PARVB: variants seen among roughly 807,000 people sequenced by gnomAD.
The protein encoded by PARVB is beta-parvin.
A neutral mutation model predicts 47.0 loss-of-function variants in PARVB; 46 were observed. The observed-to-expected ratio is 0.98, with a 90% CI of 0.77 to 1.25. The LOEUF (loss-of-function observed/expected upper bound fraction) is 1.25, where lower values mean the gene tolerates loss of function less well. Ranked by LOEUF, PARVB falls within the 50% of genes most tolerant of loss-of-function variation. The pLI is 0.00. For synonymous variants in PARVB, 196 were observed against 196.3 expected (o/e 1.00, Z 0.01); for missense variants, 473 against 471.6 (o/e 1.00, Z -0.03).
intron 1 of PARVB, among the ~76,000 whole-genome samples, chr22:44,033,705 A>T (rs1446165061): frequency 1.3e-5 from 2 of 152,162 alleles, no homozygotes; most frequent in African/African-American, 4.8e-5. Context: ...TTCTCTTACA[A>T]AGTCATGCAT....
Position 44,093,914 on chromosome 22 carries a change from C to T in PARVB, c.113-14C>T, listed in dbSNP as rs749035179. 6.2e-7 allele frequency: 1 copy of T among 1,601,144 alleles called. No individual in the cohort carries two copies. The highest frequency in any genetic ancestry group is 2.2e-5 in the East Asian group (1 of 44,748). Reference sequence around the variant, plus strand: ...TGTATACTAACCTGGTTTTTCTTTCCTTTTGCTCAACAGTGAGTGACCTGC... The same window carrying T: ...TGTATACTAACCTGGTTTTTCTTTCTTTTTGCTCAACAGTGAGTGACCTGC... On this transcript the variant is annotated splice_polypyrimidine_tract_variant and intron_variant, in intron 1 of 12. Coordinates refer to ENST00000338758, the MANE Select transcript of PARVB (RefSeq NM_013327.5).
At chr22:44,035,368 CTTTTTTTTTTT>C (rs57745730) in intron 1 of PARVB, among the ~76,000 whole-genome samples, 5 of 118,040 alleles carry the variant, frequency 4.2e-5, no homozygotes, top group South Asian at 2.8e-4. Context: ...TTTCTTTTTC[CTTTTTTTTTTT>C]TTTTTTTTTG....
intron 2 of PARVB, chr22:43,999,748 C>CTT: frequency 2.2e-6 from 2 of 891,330 alleles, no homozygotes. Flanking sequence ...AACCCTAGCA[C>CTT]TTTGGGAGGC....
chr22:44,080,947 G>A (rs2051886279), intron 1 of PARVB, among the ~76,000 whole-genome samples: 1 of 152,162 alleles, frequency 6.6e-6, no homozygotes, highest in South Asian at 2.1e-4. Context: ...CGAAAGGAGA[G>A]GAAGGGGAAT....
chr22:44,012,946 G>T (rs2050538151), intron 2 of PARVB, among the ~76,000 whole-genome samples: 1 of 151,476 alleles, frequency 6.6e-6, no homozygotes, highest in African/African-American at 2.4e-5. Flanking sequence ...ACCCAGGCTG[G>T]AGTGCAGTTG....
In PARVB at chr22:44,124,720, A is replaced by G. The variant is rs540864572; in HGVS notation, c.376+5580A>G. Among the ~76,000 whole-genome samples the G allele has an allele frequency of 2.0e-5, 3 of 152,218 alleles. No homozygotes were observed. The East Asian group carries it at 5.8e-4, about 29-fold the overall frequency. On this transcript the variant is annotated intron_variant, in intron 4 of 12. Transcript: ENST00000338758. ...CACAGACAAGCCCCATCCTGGTGGA[A>G]GGGTCTCCCCATGGGCCATCCTGGA...
At chr22:44,113,339 T>C (rs1256850595) in intron 3 of PARVB, 1 of 84,342 alleles carries the variant, frequency 1.2e-5, no homozygotes, top group African/African-American at 6.4e-5. Flanking sequence ...CCAACACAGA[T>C]ACATTGTTAC....
intron 1 of PARVB, among the ~76,000 whole-genome samples, chr22:44,045,564 G>A (rs1289376917): frequency 2.0e-5 from 3 of 152,178 alleles, no homozygotes; most frequent in South Asian, 2.1e-4. Context: ...GAGCAGGTAT[G>A]GGGCTGGGGG....
rs1053828820 is a variant in PARVB, at chr22:44,039,670, C to T, written c.112+15219C>T. On this transcript the variant is annotated intron_variant, in intron 1 of 12. Coordinates refer to ENST00000338758, the MANE Select transcript of PARVB (RefSeq NM_013327.5). ...GACCATCAGTAGGTGAATGGATACA[C>T]GGACAGCAGTAATTGACAGGACGGA... 8.5e-5 allele frequency among the ~76,000 whole-genome samples: 13 copies of T among 152,214 alleles called. No individual in the cohort carries two copies. In the South Asian group the frequency reaches 1.7e-3, roughly 19 times the overall value.
At chr22:44,022,662 A>C (rs2050663936), upstream of PARVB, among the ~76,000 whole-genome samples, 5 of 152,112 alleles carry the variant, frequency 3.3e-5, no homozygotes, top group Admixed American at 2.6e-4. Context: ...ACTTCTCCCC[A>C]GGTGCCGTCC....
At chr22:44,135,743 A>T (rs1489052042) in intron 6 of PARVB, among the ~76,000 whole-genome samples, 1 of 152,096 alleles carries the variant, frequency 6.6e-6, no homozygotes, top group African/African-American at 2.4e-5. Context: ...GTCCTCCCTC[A>T]TGTCTCCTCC....
chr22:44,086,308 T>TC (rs2052023049), intron 1 of PARVB, among the ~76,000 whole-genome samples: 1 of 152,222 alleles, frequency 6.6e-6, no homozygotes, highest in Admixed American at 6.5e-5. Flanking sequence ...GCTCCATGGA[T>TC]CACTGGAAGT....
intron 1 of PARVB, among the ~76,000 whole-genome samples, chr22:44,064,820 C>T (rs1206983564): frequency 6.6e-6 from 1 of 152,228 alleles, no homozygotes; most frequent in Non-Finnish European, 1.5e-5. Flanking sequence ...CACTAATGCA[C>T]TTCAGCCTGG....
At position 44,024,373 on chromosome 22, in the gene PARVB, C is replaced by T; in HGVS notation, c.34C>T (p.Pro12Ser). ...SSAPRSPTPR[P>S]RRMKKDESFL... ...CGCGCCGCGCTCGCCCACCCCGCGG[C>T]CCCGCAGGATGAAGAAGGACGAGTC... The change falls in exon 1 of 13, where the codon CCC becomes TCC. Residue 12 changes from proline to serine, a missense_variant. By Grantham distance (74) the Pro-to-Ser change is moderately conservative (BLOSUM62 -1). Transcript: ENST00000338758. The T allele has an allele frequency of 8.3e-7, 1 of 1,211,862 alleles. No individual in the cohort carries two copies. The highest frequency in any genetic ancestry group is 1.0e-6 in the Non-Finnish European group (1 of 961,852). 75.1% of individuals were successfully genotyped at this position (1,211,862 alleles called of 1,614,324 possible).
chr22:44,069,972 G>A (rs1240496053), intron 1 of PARVB, among the ~76,000 whole-genome samples: 1 of 152,164 alleles, frequency 6.6e-6, no homozygotes, highest in African/African-American at 2.4e-5. Flanking sequence ...CTTTGCACTG[G>A]GCATGCCTGG....
At chr22:44,144,587 C>G (rs547951241) in intron 8 of PARVB, 1 of 152,374 alleles carries the variant, frequency 6.6e-6, no homozygotes, top group Admixed American at 6.5e-5. Context: ...TACTTGAGGT[C>G]AGGAGTTCAA....
At chr22:44,065,861 G>GCA (rs1180457131) in intron 1 of PARVB, among the ~76,000 whole-genome samples, 36 of 147,882 alleles carry the variant, frequency 2.4e-4, no homozygotes, top group African/African-American at 6.2e-4. Context: ...GTGTGTGCAT[G>GCA]TGTGTGTGTG....
At chr22:44,118,984 C>A in intron 3 of PARVB, 54 bp from the exon 4 acceptor site, 2 of 1,221,466 alleles carry the variant, frequency 1.6e-6, no homozygotes, top group Non-Finnish European at 2.4e-6. Flanking sequence ...CTGGTCACTG[C>A]CTCATTGCCG....
chr22:44,140,410 T>C lies in PARVB; in HGVS notation c.712+267T>C, dbSNP rs555316788. Reference sequence around the variant, plus strand: ...ACCAGCTAGGGGAGCAGGAGGGGCCTGGGATGTAACACTGGCTGGAACTGT... The same window carrying C: ...ACCAGCTAGGGGAGCAGGAGGGGCCCGGGATGTAACACTGGCTGGAACTGT... On this transcript the variant is annotated intron_variant, in intron 8 of 12. Transcript: ENST00000338758. The C allele has an allele frequency of 7.0e-5, 51 of 724,934 alleles. No individual in the cohort carries two copies. The East Asian group carries it at 1.3e-3, about 18-fold the overall frequency. The allele number at this position is 724,934 out of a possible 1,614,324, so 44.9% of individuals were successfully genotyped here.
Sources: gnomAD v4.1 joint callset for allele counts (sites outside exome capture counted in the v4.1 genomes callset) on GRCh38, gnomAD v4.1.1 for gene constraint, MANE v1.5 for transcripts, NCBI Gene and HGNC (gene_info 2026-07-23, HGNC 2026-07-21) for gene names.